Variants in RGS22 observed in about 807,000 individuals in gnomAD.
The protein encoded by RGS22 is regulator of G-protein signaling 22.
A neutral mutation model predicts 172.9 loss-of-function variants in RGS22; 148 were observed. That is an observed-to-expected ratio of 0.86 (90% confidence interval 0.75 to 0.98). The LOEUF (loss-of-function observed/expected upper bound fraction) is 0.98. Ranked by LOEUF, RGS22 falls within the 50% of genes least tolerant of loss-of-function variation. The pLI is 0.00. For synonymous variants in RGS22, 458 were observed against 480.2 expected, an observed-to-expected ratio of 0.95 and a Z score of 0.60; for missense variants, 1,347 against 1,440.8, an observed-to-expected ratio of 0.93 and a Z score of 1.05.
At chr8:100,017,815 A>C (rs987406404) in intron 14 of RGS22, among the ~76,000 whole-genome samples, 2 of 152,148 alleles carry the variant, frequency 1.3e-5, no homozygotes, top group African/African-American at 2.4e-5. Flanking sequence ...TATCCAAATC[A>C]TTTGCTTTTT....
chr8:100,079,392 G>A (rs1390099921), intron 4 of RGS22, among the ~76,000 whole-genome samples: 3 of 152,204 alleles, frequency 2.0e-5, no homozygotes, highest in African/African-American at 7.2e-5. Context: ...GTTAAAGATA[G>A]ATACTATTTG....
chr8:100,006,522 T>C (rs1815732069), intron 15 of RGS22, among the ~76,000 whole-genome samples: 1 of 152,206 alleles, frequency 6.6e-6, no homozygotes, highest in Non-Finnish European at 1.5e-5. Flanking sequence ...AAGGCTTTAA[T>C]GCTGTAGTAA....
intron 24 of RGS22, 134 bp from the exon 25 acceptor site, chr8:99,963,112 C>A (rs1250470101): frequency 1.8e-5 from 12 of 663,062 alleles, no homozygotes; most frequent in Non-Finnish European, 2.8e-5. Context: ...AAGTGCACAT[C>A]ACAAGTTTAT....
intron 2 of RGS22, among the ~76,000 whole-genome samples, chr8:100,101,953 A>T (rs1417972455): frequency 6.6e-6 from 1 of 152,148 alleles, no homozygotes; most frequent in Non-Finnish European, 1.5e-5. Context: ...GACATTAATC[A>T]TAAGGCATTG....
intron 2 of RGS22, among the ~76,000 whole-genome samples, chr8:100,097,572 T>C (rs550990509): frequency 6.6e-6 from 1 of 152,344 alleles, no homozygotes; most frequent in South Asian, 2.1e-4. Context: ...AATTTTTTCC[T>C]AGTAAAATGT....
At position 99,999,339 on chromosome 8, in the gene RGS22, C is replaced by T. The variant is rs375967082; in HGVS notation, c.2872G>A (p.Val958Met). 1 of 1,613,828 alleles carries T rather than the reference C, an allele frequency of 6.2e-7. No individual in the cohort carries two copies. Among genetic ancestry groups the T allele is most frequent in the Non-Finnish European group, 8.5e-7 (1 of 1,179,960 alleles). Residue 958 changes from valine to methionine, a missense_variant, in exon 19 of 28, where the codon GTG (valine) becomes ATG (methionine). By Grantham distance (21) the Val-to-Met change is conservative. Transcript: ENST00000360863. Reference protein sequence around the residue: ...APVLVEIQKHVQNRLENVWLP... With the variant: ...APVLVEIQKHMQNRLENVWLP... ...CATACATTTTCTAGCCTATTTTGCA[C>T]ATGCTTCTGGATTTCAACTAGAACA...
rs547934185 is a variant in RGS22, at chr8:100,092,542, A to C, written c.117+905T>G. On this transcript the variant is annotated intron_variant, in intron 3 of 27. Coordinates refer to ENST00000360863, the MANE Select transcript of RGS22 (RefSeq NM_015668.5). The stretch of plus-strand genomic sequence containing the variant: ...AAGAGAGTGTTATAAAACTTGTTTA[A>C]AGTTTGTTATAAAAGTGAGGTCAGC... 3.3e-5 allele frequency among the ~76,000 whole-genome samples: 5 copies of C among 152,266 alleles called. No individual in the cohort carries two copies. The East Asian group carries it at 9.6e-4, about 29-fold the overall frequency.
intron 2 of RGS22, among the ~76,000 whole-genome samples, chr8:100,095,596 T>G (rs948691202): frequency 7.9e-5 from 12 of 152,238 alleles, no homozygotes; most frequent in African/African-American, 2.9e-4. Context: ...TGTTATTAAA[T>G]TTAACAGATA....
At position 99,961,035 on chromosome 8, in the gene RGS22, A is replaced by C; in HGVS notation, c.*207T>G. 1 of 351,230 alleles carries C rather than the reference A, an allele frequency of 2.8e-6. No individual in the cohort carries two copies. 21.8% of individuals were successfully genotyped at this position (351,230 alleles called of 1,614,324 possible). ...ATGTGTACAGAATAGCTATAATTTT[A>C]AAACTGCGAGAGTAAGACAAGCCAA... On this transcript the variant is annotated 3_prime_UTR_variant, in exon 28 of 28. Coordinates refer to ENST00000360863, the MANE Select transcript of RGS22 (RefSeq NM_015668.5).
At chr8:100,016,172 T>G (rs1212324688) in intron 14 of RGS22, among the ~76,000 whole-genome samples, 1 of 152,154 alleles carries the variant, frequency 6.6e-6, no homozygotes. Flanking sequence ...AAACAGACAT[T>G]TGTCTAATTC....
intron 14 of RGS22, 136 bp from the exon 15 acceptor site, chr8:100,008,705 TA>T: frequency 1.6e-6 from 1 of 610,342 alleles, no homozygotes; most frequent in Non-Finnish European, 2.8e-6. Flanking sequence ...AAAATATGGG[TA>T]AAACTACTTA....
At chr8:99,999,649 A>C (rs1287877500) in intron 18 of RGS22, among the ~76,000 whole-genome samples, 1 of 152,152 alleles carries the variant, frequency 6.6e-6, no homozygotes, top group East Asian at 1.9e-4. Context: ...GTGCTTACTT[A>C]TGATATATCA....
intron 16 of RGS22, 105 bp from the exon 17 acceptor site, chr8:100,004,203 T>C: frequency 7.4e-7 from 1 of 1,359,534 alleles, no homozygotes; most frequent in Non-Finnish European, 9.5e-7. Flanking sequence ...GCCAAAGCCA[T>C]TTAATAATTC....
intron 7 of RGS22, among the ~76,000 whole-genome samples, chr8:100,065,737 A>ATTTT (rs938911486): frequency 6.6e-6 from 1 of 151,502 alleles, no homozygotes; most frequent in Non-Finnish European, 1.5e-5. Context: ...TCCATCAATA[A>ATTTT]TTTTTTTTTA....
intron 23 of RGS22, among the ~76,000 whole-genome samples, chr8:99,977,262 C>A (rs1281851913): frequency 6.7e-6 from 1 of 150,058 alleles, no homozygotes; most frequent in Non-Finnish European, 1.5e-5. Context: ...AGCTGCCACG[C>A]CCGGTTAATT....
chr8:100,018,817 A>G (rs897505096), intron 14 of RGS22, among the ~76,000 whole-genome samples: 2 of 152,184 alleles, frequency 1.3e-5, no homozygotes, highest in Non-Finnish European at 2.9e-5. Flanking sequence ...GTTTATAAGC[A>G]TATTCTTGGA....
chr8:100,063,911 G>T lies in RGS22; in HGVS notation c.857C>A (p.Pro286His), dbSNP rs778548965. The T allele has an allele frequency of 6.2e-6, 10 of 1,607,980 alleles. No individual in the cohort carries two copies. The East Asian group carries it at 2.2e-4, about 36-fold the overall frequency. ...EEVSVSLQDT[P>H]SQALLRVYLE... ...GTATACTCTCAGAAGAGCTTGAGAAGGAGTGTCTTGTAGAGATACAGACAC... is the reference window on the plus strand; with the variant it reads ...GTATACTCTCAGAAGAGCTTGAGAATGAGTGTCTTGTAGAGATACAGACAC... Residue 286 changes from proline to histidine, a missense_variant, in exon 8 of 28, where the codon CCT (proline) becomes CAT (histidine). Physicochemically the swap from Pro to His is moderately conservative, Grantham distance 77. Coordinates refer to ENST00000360863, the MANE Select transcript of RGS22 (RefSeq NM_015668.5).
At position 100,051,804 on chromosome 8, in the gene RGS22, T is replaced by C. The variant is rs1267325727; in HGVS notation, c.1689+998A>G. ...ATTTATATATAAATATATATTTATA[T>C]ATAAATGTTTATATATATTTATATA... On this transcript the variant is annotated intron_variant, in intron 10 of 27. Transcript: ENST00000360863. 4.7e-5 allele frequency among the ~76,000 whole-genome samples: 2 copies of C among 42,608 alleles called. 1 individual carries two copies. The highest frequency in any genetic ancestry group is 1.4e-3 in the East Asian group (2 of 1,452). The allele number at this position is 42,608 out of a possible 152,430, so 28.0% of individuals were successfully genotyped here. A position where few individuals can be genotyped will look rare whatever the true frequency, so the allele number is the denominator to read the frequency against.
In RGS22 at chr8:100,007,902, C is replaced by T. The variant is rs985669748; in HGVS notation, c.2361+473G>A. Among the ~76,000 whole-genome samples, 8 of 151,844 alleles carry T rather than the reference C, an allele frequency of 5.3e-5. No homozygotes were observed. The East Asian group carries it at 1.5e-3, about 29-fold the overall frequency. ...TACTTTCCCTGCCCAAATTTTGAGG[C>T]TACCCAAATCTTAACTCTAAATCTT... On this transcript the variant is annotated intron_variant, in intron 15 of 27. Coordinates refer to ENST00000360863, the MANE Select transcript of RGS22 (RefSeq NM_015668.5).
Sources: allele counts gnomAD v4.1 joint callset (sites outside exome capture counted in the v4.1 genomes callset), GRCh38; gene constraint gnomAD v4.1.1; transcripts MANE v1.5; gene names NCBI Gene and HGNC (gene_info 2026-07-23, HGNC 2026-07-21).